Variants in ZNF521 observed in about 807,000 individuals in gnomAD.
ZNF521 encodes zinc finger protein 521.
ZNF521 carries 14 observed loss-of-function variants against 105.5 expected under a neutral mutation model. That is an observed-to-expected ratio of 0.13 (90% CI 0.09 to 0.21). The LOEUF (loss-of-function observed/expected upper bound fraction) is 0.21. Among genes scored for constraint, ZNF521 ranks in the 10% least tolerant of loss-of-function variants. The pLI is 1.00. For synonymous variants in ZNF521, 635 were observed against 606.0 expected (o/e 1.05, Z -0.70); for missense variants, 1,233 against 1,629.7 (o/e 0.76, Z 4.19).
At chr18:25,080,243 G>A (rs1367080030) in intron 7 of ZNF521, among the ~76,000 whole-genome samples, 1 of 152,208 alleles carries the variant, frequency 6.6e-6, no homozygotes, top group Non-Finnish European at 1.5e-5. Flanking sequence ...ATTTTAGGCA[G>A]TTTAAAATTT....
At chr18:25,229,924 T>G (rs761225979) in intron 3 of ZNF521, among the ~76,000 whole-genome samples, 2 of 152,252 alleles carry the variant, frequency 1.3e-5, no homozygotes, top group Non-Finnish European at 1.5e-5. Flanking sequence ...ATATATTTTT[T>G]ACAAATACAT....
At position 25,096,828 on chromosome 18, in the gene ZNF521, C is replaced by G. The variant is rs114630950; in HGVS notation, c.3659-4747G>C. On this transcript the variant is annotated intron_variant, in intron 5 of 7. Transcript: ENST00000361524. ...TAGGCTAAAGTCCACAGATAGAAAC[C>G]CCTCCTGCTATATCACCATGTGGCC... Among the ~76,000 whole-genome samples, 830 of 152,260 alleles carry G rather than the reference C, an allele frequency of 5.5e-3. 6 individuals carry two copies. The highest frequency in any genetic ancestry group is 0.019 in the African/African-American group (776 of 41,540).
chr18:25,160,687 G>A (rs1004776646), intron 5 of ZNF521, among the ~76,000 whole-genome samples: 2 of 152,132 alleles, frequency 1.3e-5, no homozygotes, highest in Non-Finnish European at 2.9e-5. Flanking sequence ...GTGGTGAGAA[G>A]AAAAACAAAT....
At chr18:25,173,778 G>T (rs561024314) in intron 5 of ZNF521, among the ~76,000 whole-genome samples, 1 of 152,308 alleles carries the variant, frequency 6.6e-6, no homozygotes, top group South Asian at 2.1e-4. Context: ...TCATGTTCCA[G>T]TGCTATTTCT....
At position 25,225,200 on chromosome 18, in the gene ZNF521, G is replaced by A; in HGVS notation, c.2718C>T (p.Leu906=). ...TMETLLQNHQ[L]RDHNIRPGES... is the part of the protein sequence containing the mutation. ...CTCCAGGTCTGATGTTGTGGTCTCG[G>A]AGCTGGTGATTCTGCAGCAAAGTTT... is the stretch of plus-strand genomic sequence containing the variant. The change falls in exon 4 of 8, where the codon CTC becomes CTT. Residue 906 remains leucine (L), a synonymous_variant. Coordinates refer to ENST00000361524, the MANE Select transcript of ZNF521 (RefSeq NM_015461.3). This position sits in a 1 kb window ranked among gnomAD's most constrained non-coding sequence, Gnocchi z 5.6. The A allele has an allele frequency of 1.9e-6, 3 of 1,614,064 alleles. No individual in the cohort carries two copies. The highest frequency in any genetic ancestry group is 8.5e-7 in the Non-Finnish European group (1 of 1,180,006).
At chr18:25,324,000 GT>G (rs1442037697) in intron 2 of ZNF521, among the ~76,000 whole-genome samples, 2 of 151,786 alleles carry the variant, frequency 1.3e-5, no homozygotes, top group Non-Finnish European at 2.9e-5. Context: ...TTAACACACT[GT>G]TTAAGTACAT....
At chr18:25,120,609 AC>A (rs1302775500) in intron 5 of ZNF521, among the ~76,000 whole-genome samples, 3,100 of 100,930 alleles carry the variant, frequency 0.031, 119 homozygotes, top group African/African-American at 0.1. Context: ...AAAACCACAA[AC>A]AAACAAACAA....
chr18:25,222,691 T>G (rs1380229370), intron 4 of ZNF521, among the ~76,000 whole-genome samples: 1 of 152,236 alleles, frequency 6.6e-6, no homozygotes, highest in Admixed American at 6.5e-5. Flanking sequence ...AGAGTAATTT[T>G]CTGCCTTAAT....
At chr18:25,174,023 AT>A (rs2035493451) in intron 5 of ZNF521, among the ~76,000 whole-genome samples, 1 of 152,184 alleles carries the variant, frequency 6.6e-6, no homozygotes, top group African/African-American at 2.4e-5. Context: ...GAGTTAACAT[AT>A]TTTTTAAAAA....
Position 25,062,671 on chromosome 18 carries a change from T to C in ZNF521, c.*41A>G. ...CAAAGAGTAAAACATGTTCCCTTTT[T>C]GTGCCACAAAATCAATTCTCCTTGA... is the stretch of plus-strand genomic sequence containing the variant. On this transcript the variant is annotated 3_prime_UTR_variant, in exon 8 of 8. Coordinates refer to ENST00000361524, the MANE Select transcript of ZNF521 (RefSeq NM_015461.3). The C allele has an allele frequency of 1.3e-6, 2 of 1,589,918 alleles. No individual in the cohort carries two copies. The highest frequency in any genetic ancestry group is 1.2e-5 in the South Asian group (1 of 86,110).
chr18:25,208,360 C>G (rs576856680), intron 4 of ZNF521, among the ~76,000 whole-genome samples: 45 of 152,316 alleles, frequency 3.0e-4, no homozygotes, highest in African/African-American at 1.1e-3. Flanking sequence ...TAGACTCAAT[C>G]TAAACAGCAT....
Position 25,352,116 on chromosome 18 carries a change from G to A in ZNF521, c.-113C>T, listed in dbSNP as rs1914824492. 1 of 478,146 alleles carries A rather than the reference G, an allele frequency of 2.1e-6. No individual in the cohort carries two copies. The allele number at this position is 478,146 out of a possible 1,614,324, so 29.6% of individuals were successfully genotyped here. Reference sequence around the variant, plus strand: ...CTCCAGAGGGGGCCCCTAACCCGCAGGGACTCGCTCTGTACGTAATCACTG... The same window carrying A: ...CTCCAGAGGGGGCCCCTAACCCGCAAGGACTCGCTCTGTACGTAATCACTG... On this transcript the variant is annotated 5_prime_UTR_variant, in exon 1 of 8. Transcript: ENST00000361524.
At chr18:25,070,745 C>G (rs755501082) in intron 7 of ZNF521, among the ~76,000 whole-genome samples, 8 of 152,086 alleles carry the variant, frequency 5.3e-5, no homozygotes, top group Admixed American at 5.2e-4. Flanking sequence ...TCCCCTGACA[C>G]TGCCACATAT....
intron 3 of ZNF521, among the ~76,000 whole-genome samples, chr18:25,314,856 G>A (rs1600295538): frequency 6.6e-6 from 1 of 152,338 alleles, no homozygotes; most frequent in East Asian, 1.9e-4. Context: ...AACAAGCATA[G>A]AGTATTACCA....
intron 3 of ZNF521, among the ~76,000 whole-genome samples, chr18:25,308,661 C>CAA (rs1912126995): frequency 7.0e-6 from 1 of 142,762 alleles, no homozygotes; most frequent in Non-Finnish European, 1.5e-5. Context: ...CCCCCCCCCC[C>CAA]ACCCGCCACA....
intron 4 of ZNF521, among the ~76,000 whole-genome samples, chr18:25,200,533 G>C (rs1457576741): frequency 6.6e-6 from 1 of 151,976 alleles, no homozygotes; most frequent in Non-Finnish European, 1.5e-5. Flanking sequence ...AAATCACTCA[G>C]TTATTAAGTC....
intron 4 of ZNF521, among the ~76,000 whole-genome samples, chr18:25,220,032 C>T (rs983961979): frequency 3.9e-5 from 6 of 152,066 alleles, no homozygotes; most frequent in Non-Finnish European, 8.8e-5. Flanking sequence ...AAAAGGTGGT[C>T]GTTCAAGCTC....
intron 5 of ZNF521, among the ~76,000 whole-genome samples, chr18:25,120,351 G>C (rs143181305): frequency 0.016 from 2,414 of 152,278 alleles, 60 homozygotes; most frequent in African/African-American, 0.054. Flanking sequence ...GGGAGGCCAA[G>C]GTGGGCAGAT....
At chr18:25,188,777 G>A (rs1377093687) in intron 5 of ZNF521, among the ~76,000 whole-genome samples, 1 of 152,186 alleles carries the variant, frequency 6.6e-6, no homozygotes, top group African/African-American at 2.4e-5. Flanking sequence ...AGCCTAGGAC[G>A]ACAGGGTGGC....
Sources: allele counts gnomAD v4.1 joint callset (sites outside exome capture counted in the v4.1 genomes callset), GRCh38; gene constraint gnomAD v4.1.1; non-coding constraint Gnocchi (gnomAD v3.1); transcripts MANE v1.5; gene names NCBI Gene and HGNC (gene_info 2026-07-23, HGNC 2026-07-21).